ASCL2: variants seen among roughly 807,000 people sequenced by gnomAD.
ASCL2 encodes achaete-scute family bHLH transcription factor 2.
A neutral mutation model predicts 5.1 loss-of-function variants in ASCL2; 6 were observed. The observed-to-expected ratio is 1.17, with a 90% CI of 0.64 to 2.31. The LOEUF (loss-of-function observed/expected upper bound fraction) is 2.31. ASCL2 is among the 30% of genes most tolerant of loss of function. ASCL2 has a pLI of 0.00. For missense variants in ASCL2, 320 were observed against 310.3 expected, an observed-to-expected ratio of 1.03 and a Z score of -0.23; for synonymous variants, 174 against 157.3, an observed-to-expected ratio of 1.11 and a Z score of -0.80.
In ASCL2 at chr11:2,270,051, T is replaced by C. The variant is rs2133757420; in HGVS notation, c.282A>G (p.Ser94=). 1.4e-6 allele frequency: 2 copies of C among 1,472,792 alleles called. No individual in the cohort carries two copies. Among genetic ancestry groups the C allele is most frequent in the Non-Finnish European group, 1.8e-6 (2 of 1,114,364 alleles). 91.2% of individuals were successfully genotyped at this position (1,472,792 alleles called of 1,614,324 possible). The change falls in exon 1 of 2, where the codon TCA becomes TCG. Residue 94 remains serine (S), a synonymous_variant. Transcript: ENST00000331289. ...KKLSKVETLR[S]AVEYIRALQR... is the part of the protein sequence containing the mutation. Reference sequence around the variant, plus strand: ...GCAGCGCGCGGATGTACTCCACGGCTGAGCGCAGCGTCTCCACCTTGCTCA... The same window carrying C: ...GCAGCGCGCGGATGTACTCCACGGCCGAGCGCAGCGTCTCCACCTTGCTCA...
At chr11:2,269,705 T>TCCCCCCTC in intron 1 of ASCL2, 28 bp downstream of exon 1, 2 of 361,408 alleles carry the variant, frequency 5.5e-6, no homozygotes, top group Admixed American at 6.6e-5. Context: ...CCCCCGGCCC[T>TCCCCCCTC]CCCTCCTCCC....
intron 1 of ASCL2, 35 bp downstream of exon 1, chr11:2,269,698 C>A: frequency 7.8e-7 from 1 of 1,289,692 alleles, no homozygotes; most frequent in South Asian, 2.4e-5. Flanking sequence ...ACCCCGGCCC[C>A]CGGCCCTCCC....
intron 1 of ASCL2, 39 bp downstream of exon 1, chr11:2,269,694 G>C (rs1847225943): frequency 1.7e-3 from 1,098 of 654,340 alleles, no homozygotes; most frequent in Non-Finnish European, 2.2e-3. Flanking sequence ...CTCCACCCCG[G>C]CCCCCGGCCC....
At chr11:2,269,507 C>T (rs1847223399) in intron 1 of ASCL2, among the ~76,000 whole-genome samples, 1 of 152,170 alleles carries the variant, frequency 6.6e-6, no homozygotes, top group African/African-American at 2.4e-5. Context: ...CCCTCGTCGG[C>T]GGCTGAGCCG....
At position 2,268,698 on chromosome 11, in the gene ASCL2, G is replaced by C. The variant is rs896216158; in HGVS notation, c.*447C>G. 10 of 152,380 alleles carry C rather than the reference G, an allele frequency of 6.6e-5. No homozygotes were observed. The highest frequency in any genetic ancestry group is 2.4e-4 in the African/African-American group (10 of 41,446). The allele number at this position is 152,380 out of a possible 1,614,324, so 9.4% of individuals were successfully genotyped here. On this transcript the variant is annotated 3_prime_UTR_variant, in exon 2 of 2. Transcript: ENST00000331289. The surrounding 1 kb of genome is among the most constrained non-coding windows in gnomAD (Gnocchi z 4.5). ...GCATGGAAAACTCCAGATAGTGGGG[G>C]CAGGGGTCCAGGTCATCTTTATTAC...
rs540919609 is a variant in ASCL2, at chr11:2,269,638, C to A, written c.*18+95G>T. 3,722 of 1,146,022 alleles carry A rather than the reference C, an allele frequency of 3.2e-3. 113 individuals are homozygous for A. The African/African-American group carries it at 0.055, about 17-fold the overall frequency. The allele number at this position is 1,146,022 out of a possible 1,614,324, so 71.0% of individuals were successfully genotyped here. Reference sequence around the variant, plus strand: ...ATCGCTCGGGCCTGGCGCTCGGCTCCGCGGGCTCCTGGGGGCGCGACCCGC... The same window carrying A: ...ATCGCTCGGGCCTGGCGCTCGGCTCAGCGGGCTCCTGGGGGCGCGACCCGC... On this transcript the variant is annotated intron_variant, in intron 1 of 1. Coordinates refer to ENST00000331289, the MANE Select transcript of ASCL2 (RefSeq NM_005170.3).
At position 2,269,731 on chromosome 11, in the gene ASCL2, A is replaced by G; in HGVS notation, c.*18+2T>C. The G allele has an allele frequency of 8.0e-7, 1 of 1,252,030 alleles. No individual in the cohort carries two copies. The highest frequency in any genetic ancestry group is 1.0e-6 in the Non-Finnish European group (1 of 985,824). 77.6% of individuals were successfully genotyped at this position (1,252,030 alleles called of 1,614,324 possible). ...CCCTCCTCCCTGCCTCCCGGCTGTT[A>G]CCTCATAGGTCGAGGGCGCTCAGTA... On this transcript the variant is annotated splice_donor_variant, in intron 1 of 1. Transcript: ENST00000331289. LOFTEE classifies it low-confidence loss of function (3UTR_SPLICE).
In ASCL2 at chr11:2,270,032, C is replaced by G. The variant is rs1590199565; in HGVS notation, c.301G>C (p.Ala101Pro). 1 of 1,424,662 alleles carries G rather than the reference C, an allele frequency of 7.0e-7. No individual in the cohort carries two copies. The allele number at this position is 1,424,662 out of a possible 1,614,324, so 88.3% of individuals were successfully genotyped here. ...TLRSAVEYIRALQRLLAEHDA... is the reference protein window; with the variant it reads ...TLRSAVEYIRPLQRLLAEHDA... ...TGCTCGGCCAGCAGGCGCTGCAGCG[C>G]GCGGATGTACTCCACGGCTGAGCGC... is the stretch of plus-strand genomic sequence containing the variant. Residue 101 changes from alanine (A) to proline (P), a missense_variant, in exon 1 of 2, where the codon GCG becomes CCG. Transcript: ENST00000331289.
chr11:2,269,675 A>ACC, intron 1 of ASCL2, 58 bp downstream of exon 1: 1 of 576,836 alleles, frequency 1.7e-6, no homozygotes, highest in Non-Finnish European at 2.5e-6. Flanking sequence ...GGGCCTGCCC[A>ACC]CCCCGTCCCT....
At position 2,270,387 on chromosome 11, in the gene ASCL2, G is replaced by C. The variant is rs1463147686; in HGVS notation, c.-55C>G. The C allele has an allele frequency of 4.0e-6, 5 of 1,259,602 alleles. No individual in the cohort carries two copies. In the East Asian group the frequency reaches 1.3e-4, roughly 32 times the overall value. The allele number at this position is 1,259,602 out of a possible 1,614,324, so 78.0% of individuals were successfully genotyped here. ...TCCCGGCGCGCCGCAGGAAGGTGCAGGCAGAGGAACCGGAGGCGACGGGGA... is the reference window on the plus strand; with the variant it reads ...TCCCGGCGCGCCGCAGGAAGGTGCACGCAGAGGAACCGGAGGCGACGGGGA... On this transcript the variant is annotated 5_prime_UTR_variant, in exon 1 of 2. Coordinates refer to ENST00000331289, the MANE Select transcript of ASCL2 (RefSeq NM_005170.3).
Position 2,269,748 on chromosome 11 carries a change from C to A in ASCL2, c.*3G>T, listed in dbSNP as rs1175431834. On this transcript the variant is annotated 3_prime_UTR_variant, in exon 1 of 2. Transcript: ENST00000331289. Reference sequence around the variant, plus strand: ...CGGCTGTTACCTCATAGGTCGAGGGCGCTCAGTAGCCCCCTAACCAGCTGG... The same window carrying A: ...CGGCTGTTACCTCATAGGTCGAGGGAGCTCAGTAGCCCCCTAACCAGCTGG... The A allele has an allele frequency of 7.2e-7, 1 of 1,383,314 alleles. No individual in the cohort carries two copies. Among genetic ancestry groups the A allele is most frequent in the Admixed American group, 3.3e-5 (1 of 30,198 alleles). The allele number at this position is 1,383,314 out of a possible 1,614,324, so 85.7% of individuals were successfully genotyped here.
Position 2,269,932 on chromosome 11 carries a change from G to A in ASCL2, c.401C>T (p.Pro134Leu), listed in dbSNP as rs923006333. 70 of 1,281,566 alleles carry A rather than the reference G, an allele frequency of 5.5e-5. No individual in the cohort carries two copies. The highest frequency in any genetic ancestry group is 6.7e-5 in the Non-Finnish European group (68 of 1,011,400). 79.4% of individuals were successfully genotyped at this position (1,281,566 alleles called of 1,614,324 possible). A position where few individuals can be genotyped will look rare whatever the true frequency, so the allele number is the denominator to read the frequency against. Residue 134 changes from proline (P) to leucine (L), a missense_variant, in exon 1 of 2, where the codon CCA becomes CTA. Coordinates refer to ENST00000331289, the MANE Select transcript of ASCL2 (RefSeq NM_005170.3). ...CGAGGCGGCGACCGGGGTGGTCCCT[G>A]GCGGCCCGCGGGGCGCAGACGGCCG... ...AVRPSAPRGPPGTTPVAASPS... is the reference protein window; with the variant it reads ...AVRPSAPRGPLGTTPVAASPS...
chr11:2,269,828 C>T lies in ASCL2; in HGVS notation c.505G>A (p.Asp169Asn), dbSNP rs750039631. The part of the protein sequence containing the change: ...GSPRSAYSSD[D>N]SGCEGALSPA... ...CTCAGCGCGCCTTCGCAGCCGCTGTCGTCCGACGAGTAGGCGGAACGCGGG... is the reference window on the plus strand; with the variant it reads ...CTCAGCGCGCCTTCGCAGCCGCTGTTGTCCGACGAGTAGGCGGAACGCGGG... The change falls in exon 1 of 2, where the codon GAC (aspartate) becomes AAC (asparagine). Residue 169 changes from aspartate to asparagine, a missense_variant. By Grantham distance (23) the Asp-to-Asn change is conservative. Coordinates refer to ENST00000331289, the MANE Select transcript of ASCL2 (RefSeq NM_005170.3). 3.1e-4 allele frequency: 435 copies of T among 1,408,746 alleles called. No homozygotes were observed. The highest frequency in any genetic ancestry group is 4.0e-4 in the Non-Finnish European group (427 of 1,077,720). 87.3% of individuals were successfully genotyped at this position (1,408,746 alleles called of 1,614,324 possible). A position where few individuals can be genotyped will look rare whatever the true frequency, so the allele number is the denominator to read the frequency against.
Position 2,270,269 on chromosome 11 carries a change from C to A in ASCL2, c.64G>T (p.Ala22Ser), listed in dbSNP as rs1490266734. ...TCCGGGGACGCGGGTCTCCGCCGGG[C>A]AGCGCAGCCGACAGGGACGGGGGGC... ...PAPPVPVGCA[A>S]RRRPASPELL... The change falls in exon 1 of 2, where the codon GCC becomes TCC. Residue 22 changes from alanine (A) to serine (S), a missense_variant. By Grantham distance (99) the Ala-to-Ser change is moderately conservative (BLOSUM62 1). Coordinates refer to ENST00000331289, the MANE Select transcript of ASCL2 (RefSeq NM_005170.3). 1 of 1,369,256 alleles carries A rather than the reference C, an allele frequency of 7.3e-7. No individual in the cohort carries two copies. Among genetic ancestry groups the A allele is most frequent in the South Asian group, 1.7e-5 (1 of 57,700 alleles). The allele number at this position is 1,369,256 out of a possible 1,614,324, so 84.8% of individuals were successfully genotyped here. A position where few individuals can be genotyped will look rare whatever the true frequency, so the allele number is the denominator to read the frequency against.
In ASCL2 at chr11:2,270,096, G is replaced by T. The variant is rs372274549; in HGVS notation, c.237C>A (p.His79Gln). The change falls in exon 1 of 2, where the codon CAC becomes CAA. Residue 79 changes from histidine (H) to glutamine (Q), a missense_variant. His to Gln is a conservative substitution (Grantham distance 24). Transcript: ENST00000331289. ...GFQALRQHVPHGGASKKLSKV... is the reference protein window; with the variant it reads ...GFQALRQHVPQGGASKKLSKV... ...TGCTCAGCTTCTTGCTGGCGCCGCCGTGCGGCACGTGCTGCCGCAGCGCCT... is the reference window on the plus strand; with the variant it reads ...TGCTCAGCTTCTTGCTGGCGCCGCCTTGCGGCACGTGCTGCCGCAGCGCCT... The T allele has an allele frequency of 5.6e-5, 84 of 1,504,578 alleles. No homozygotes were observed. Among genetic ancestry groups the T allele is most frequent in the Non-Finnish European group, 7.2e-5 (81 of 1,131,684 alleles). 93.2% of individuals were successfully genotyped at this position (1,504,578 alleles called of 1,614,324 possible).
In ASCL2 at chr11:2,269,939, C is replaced by A; in HGVS notation, c.394G>T (p.Gly132Trp). The A allele has an allele frequency of 7.8e-7, 1 of 1,279,476 alleles. No homozygotes were observed. Among genetic ancestry groups the A allele is most frequent in the Non-Finnish European group, 9.9e-7 (1 of 1,010,542 alleles). 79.3% of individuals were successfully genotyped at this position (1,279,476 alleles called of 1,614,324 possible). A position where few individuals can be genotyped will look rare whatever the true frequency, so the allele number is the denominator to read the frequency against. ...GCGACCGGGGTGGTCCCTGGCGGCC[C>A]GCGGGGCGCAGACGGCCGCACGGCC... ...PQAVRPSAPR[G>W]PPGTTPVAAS... The change falls in exon 1 of 2, where the codon GGG becomes TGG. Residue 132 changes from glycine (G) to tryptophan (W), a missense_variant. Physicochemically the swap from Gly to Trp is radical, Grantham distance 184. Transcript: ENST00000331289.
At position 2,270,289 on chromosome 11, in the gene ASCL2, G is replaced by C. The variant is rs1364620076; in HGVS notation, c.44C>G (p.Pro15Arg). Residue 15 changes from proline (P) to arginine (R), a missense_variant, in exon 1 of 2, where the codon CCC (proline) becomes CGC (arginine). Pro to Arg is a moderately radical substitution (Grantham distance 103). Transcript: ENST00000331289. Reference sequence around the variant, plus strand: ...CCGGGCAGCGCAGCCGACAGGGACGGGGGGCGCAGGGGGCGCGGACCTGGG... The same window carrying C: ...CCGGGCAGCGCAGCCGACAGGGACGCGGGGCGCAGGGGGCGCGGACCTGGG... ...TLPRSAPPAP[P>R]VPVGCAARRR... The C allele has an allele frequency of 7.5e-7, 1 of 1,338,376 alleles. No homozygotes were observed. Among genetic ancestry groups the C allele is most frequent in the Non-Finnish European group, 9.5e-7 (1 of 1,052,404 alleles). The allele number at this position is 1,338,376 out of a possible 1,614,324, so 82.9% of individuals were successfully genotyped here. A position where few individuals can be genotyped will look rare whatever the true frequency, so the allele number is the denominator to read the frequency against.
At position 2,270,367 on chromosome 11, in the gene ASCL2, G is replaced by A; in HGVS notation, c.-35C>T. ...ATCCACCCGCCCGCTCCAGGTCCCG[G>A]CGCGCCGCAGGAAGGTGCAGGCAGA... On this transcript the variant is annotated 5_prime_UTR_variant, in exon 1 of 2. Transcript: ENST00000331289. 5.5e-6 allele frequency: 7 copies of A among 1,269,254 alleles called. No individual in the cohort carries two copies. The highest frequency in any genetic ancestry group is 6.9e-6 in the Non-Finnish European group (7 of 1,009,084). 78.6% of individuals were successfully genotyped at this position (1,269,254 alleles called of 1,614,324 possible).
At chr11:2,269,674 CACCCCGTCCCTCCACCCCGG>C in intron 1 of ASCL2, 39 bp downstream of exon 1, 4 of 1,030,128 alleles carry the variant, frequency 3.9e-6, no homozygotes, top group Admixed American at 4.3e-5. Context: ...CGGGCCTGCC[CACCCCGTCCCTCCACCCCGG>C]CCCCCGGCCC....
Sources: allele counts gnomAD v4.1 joint callset (sites outside exome capture counted in the v4.1 genomes callset), GRCh38; gene constraint gnomAD v4.1.1; non-coding constraint Gnocchi (gnomAD v3.1); transcripts MANE v1.5; gene names NCBI Gene and HGNC (gene_info 2026-07-23, HGNC 2026-07-21).